The following MPI variants were observed in gnomAD, a reference collection of about 807,000 sequenced individuals.
MPI encodes mannose-6-phosphate isomerase.
In MPI, 33 loss-of-function variants were observed where a neutral mutation model predicts 40.1. The observed-to-expected ratio is 0.82, with a 90% CI of 0.62 to 1.10. The LOEUF (loss-of-function observed/expected upper bound fraction) is 1.10. Among genes scored for constraint, MPI ranks in the 50% least tolerant of loss-of-function variants. MPI has a pLI of 0.00. For synonymous variants in MPI, 187 were observed against 207.4 expected (o/e 0.90, Z 0.85); for missense variants, 514 against 524.1 (o/e 0.98, Z 0.19).
chr15:74,892,393 G>A (rs1246615620), intron 3 of MPI, among the ~76,000 whole-genome samples: 4 of 152,232 alleles, frequency 2.6e-5, no homozygotes, highest in African/African-American at 9.6e-5. Context: ...TGGTATTTGG[G>A]TTTCCTGATT....
In MPI at chr15:74,897,156, G is replaced by A. The variant is rs1451761507; in HGVS notation, c.990G>A (p.Gln330=). The A allele has an allele frequency of 6.2e-7, 1 of 1,614,154 alleles. No homozygotes were observed. The highest frequency in any genetic ancestry group is 8.5e-7 in the Non-Finnish European group (1 of 1,180,018). The change falls in exon 7 of 8, where the codon CAG becomes CAA. Residue 330 remains glutamine (Q), a synonymous_variant. Transcript: ENST00000352410. ...KDRLFLPTRS[Q]EDPYLSIYDP... ...GGCTCTTTCTCCCAACACGGAGTCA[G>A]GAAGACCCCTACCTCTCAATCTATG... is the stretch of plus-strand genomic sequence containing the variant.
In MPI at chr15:74,893,182, C is replaced by A. The variant is rs1204655433; in HGVS notation, c.532C>A (p.His178Asn). Reference protein sequence around the residue: ...QFLIGDEAATHLKQTMSHDSQ... With the variant: ...QFLIGDEAATNLKQTMSHDSQ... ...CCTGATTGGAGATGAGGCAGCAACA[C>A]ACCTGAAGCAGACCATGAGCCATGA... is the stretch of plus-strand genomic sequence containing the variant. The change falls in exon 5 of 8, where the codon CAC (histidine) becomes AAC (asparagine). Residue 178 changes from histidine to asparagine, a missense_variant. His to Asn is a moderately conservative substitution (Grantham distance 68). Coordinates refer to ENST00000352410, the MANE Select transcript of MPI (RefSeq NM_002435.3). 6.2e-7 allele frequency: 1 copy of A among 1,614,094 alleles called. No homozygotes were observed. Among genetic ancestry groups the A allele is most frequent in the African/African-American group, 1.3e-5 (1 of 74,938 alleles).
At chr15:74,893,629 C>T in intron 5 of MPI, 1 of 596,152 alleles carries the variant, frequency 1.7e-6, no homozygotes, top group Non-Finnish European at 3.0e-6. Flanking sequence ...AGCTGCCCTC[C>T]ATGGATGGAC....
chr15:74,894,069 T>TTTTCTGAGCCA (rs1567267118), intron 5 of MPI, among the ~76,000 whole-genome samples: 1 of 64,722 alleles, frequency 1.5e-5, no homozygotes, highest in African/African-American at 4.7e-5. Flanking sequence ...TGTGTGTGTG[T>TTTTCTGAGCCA]GTGTGTGTGT....
chr15:74,897,019 G>T lies in MPI; in HGVS notation c.853G>T (p.Glu285Ter). 6.2e-7 allele frequency: 1 copy of T among 1,614,168 alleles called. No homozygotes were observed. Among genetic ancestry groups the T allele is most frequent in the Non-Finnish European group, 8.5e-7 (1 of 1,180,004 alleles). Residue 285 changes from glutamate (E) to a stop codon, truncating the protein, a stop_gained, in exon 7 of 8, where the codon GAG becomes TAG. Transcript: ENST00000352410. LOFTEE classifies it high-confidence loss of function. Reference protein sequence around the residue: ...PHAYLKGDCVECMACSDNTVR... With the variant: ...PHAYLKGDCV ...GACGACTGTCTCTCCAGACTGCGTG[G>T]AGTGCATGGCGTGTTCAGACAACAC...
At position 74,901,807 on chromosome 15, in the gene MPI, C is replaced by G. The variant is rs1191240232; in HGVS notation, c.*4077C>G. The G allele has an allele frequency of 3.4e-6, 1 of 295,654 alleles. No individual in the cohort carries two copies. The highest frequency in any genetic ancestry group is 6.2e-6 in the Non-Finnish European group (1 of 162,318). The allele number at this position is 295,654 out of a possible 1,614,324, so 18.3% of individuals were successfully genotyped here. On this transcript the variant is annotated 3_prime_UTR_variant, in exon 8 of 8. Transcript: ENST00000352410. ...AAACTGCAGGCTTCTGGGGCCAGCC[C>G]CAGTACCTTCGACCTAATCTTTAGC... is the stretch of plus-strand genomic sequence containing the variant.
rs556803283 is a variant in MPI, at chr15:74,892,238, C to T, written c.346-423C>T. ...TGAACTCCTGCCCTCGTAATCCGCTCGCCTCAGCCTCCCAAAGTGCTGGGA... is the reference window on the plus strand; with the variant it reads ...TGAACTCCTGCCCTCGTAATCCGCTTGCCTCAGCCTCCCAAAGTGCTGGGA... On this transcript the variant is annotated intron_variant, in intron 3 of 7. Transcript: ENST00000352410. Among the ~76,000 whole-genome samples the T allele has an allele frequency of 3.9e-5, 6 of 152,268 alleles. No homozygotes were observed. The South Asian group carries it at 1.0e-3, about 26-fold the overall frequency.
Position 74,898,425 on chromosome 15 carries a change from G to C in MPI, c.*695G>C, listed in dbSNP as rs1414402420. The C allele has an allele frequency of 6.0e-6, 1 of 167,350 alleles. No homozygotes were observed. Among genetic ancestry groups the C allele is most frequent in the East Asian group, 1.5e-4 (1 of 6,476 alleles). 10.4% of individuals were successfully genotyped at this position (167,350 alleles called of 1,614,324 possible). On this transcript the variant is annotated 3_prime_UTR_variant, in exon 8 of 8. Transcript: ENST00000352410. ...AGCCAGCTTTGGCCTCACAGGCACAGCTTGCAAGCAGGCCTTGGGTCTGCC... is the reference window on the plus strand; with the variant it reads ...AGCCAGCTTTGGCCTCACAGGCACACCTTGCAAGCAGGCCTTGGGTCTGCC...
chr15:74,895,854 A>G, intron 5 of MPI: 1 of 431,754 alleles, frequency 2.3e-6, no homozygotes, highest in Non-Finnish European at 4.3e-6. Flanking sequence ...AAATGTCAGT[A>G]GCGCCAAGGC....
intron 1 of MPI, chr15:74,890,305 TCCC>T: frequency 2.4e-6 from 2 of 850,076 alleles, no homozygotes; most frequent in Non-Finnish European, 3.8e-6. Flanking sequence ...TTCTGCTCCC[TCCC>T]CGCCACCCTG....
chr15:74,891,960 C>T (rs750905398), intron 3 of MPI, among the ~76,000 whole-genome samples: 50 of 152,072 alleles, frequency 3.3e-4, no homozygotes, highest in Non-Finnish European at 6.0e-4. Flanking sequence ...CTACACAAGC[C>T]GGAGTCCCAT....
intron 5 of MPI, 71 bp from the exon 6 acceptor site, chr15:74,896,081 T>G: frequency 6.3e-7 from 1 of 1,582,812 alleles, no homozygotes; most frequent in South Asian, 1.1e-5. Context: ...TAGGACTCCC[T>G]GGCCAATGTG....
At chr15:74,891,657 C>T (rs527560491) in intron 3 of MPI, 78 bp downstream of exon 3, 1 of 1,494,612 alleles carries the variant, frequency 6.7e-7, no homozygotes, top group Non-Finnish European at 9.3e-7. Flanking sequence ...TTTACTGCCA[C>T]TTTTACCCCA....
Position 74,897,873 on chromosome 15 carries a change from C to T in MPI, c.*143C>T, listed in dbSNP as rs1273892135. The T allele has an allele frequency of 1.1e-5, 9 of 825,374 alleles. No homozygotes were observed. Among genetic ancestry groups the T allele is most frequent in the African/African-American group, 1.7e-5 (1 of 59,386 alleles). The allele number at this position is 825,374 out of a possible 1,614,324, so 51.1% of individuals were successfully genotyped here. ...AGAGCTGGGGTGGGGGAGGAGGGAG[C>T]GTGAAGGTAGTGACTCCTGAACACA... is the stretch of plus-strand genomic sequence containing the variant. On this transcript the variant is annotated 3_prime_UTR_variant, in exon 8 of 8. Transcript: ENST00000352410.
At chr15:74,890,710 T>A in intron 2 of MPI, 56 bp downstream of exon 2, 1 of 1,606,554 alleles carries the variant, frequency 6.2e-7, no homozygotes, top group Non-Finnish European at 8.5e-7. Context: ...AGAAAGGGCC[T>A]GAGGCAAGTC....
chr15:74,890,754 G>T, intron 2 of MPI, 100 bp downstream of exon 2: 1 of 1,555,672 alleles, frequency 6.4e-7, no homozygotes, highest in Non-Finnish European at 8.8e-7. Context: ...AGGCAGCAAG[G>T]AGGGAGGAGA....
In MPI at chr15:74,897,639, G is replaced by T. The variant is rs1381312233; in HGVS notation, c.1181G>T (p.Gly394Val). ...ACACCAATCCCTCTGCAACGTGGTGGCGTGCTCTTCATTGGGGCCAATGAG... is the reference window on the plus strand; with the variant it reads ...ACACCAATCCCTCTGCAACGTGGTGTCGTGCTCTTCATTGGGGCCAATGAG... The part of the protein sequence containing the change: ...TQTPIPLQRG[G>V]VLFIGANESV... Residue 394 changes from glycine (G) to valine (V), a missense_variant, in exon 8 of 8, where the codon GGC becomes GTC. Transcript: ENST00000352410. 1 of 1,614,192 alleles carries T rather than the reference G, an allele frequency of 6.2e-7. No individual in the cohort carries two copies. The highest frequency in any genetic ancestry group is 1.7e-5 in the Admixed American group (1 of 60,012).
intron 1 of MPI, 146 bp downstream of exon 1, chr15:74,890,235 T>A: frequency 8.3e-7 from 1 of 1,205,996 alleles, no homozygotes; most frequent in Non-Finnish European, 1.2e-6. Context: ...CCACCTGCGA[T>A]GGGGATTGAC....
In MPI at chr15:74,896,524, GA is replaced by G; in HGVS notation, c.844+200del. On this transcript the variant is annotated intron_variant, in intron 6 of 7. Coordinates refer to ENST00000352410, the MANE Select transcript of MPI (RefSeq NM_002435.3). ...TAGCATTGAACACGCCTTGAATCCT[GA>G]CACCAACCCTGTGATGCCATGCTAC... is the stretch of plus-strand genomic sequence containing the variant. 7 of 709,020 alleles carry G rather than the reference GA, an allele frequency of 9.9e-6. No homozygotes were observed. In the South Asian group the frequency reaches 1.0e-4, roughly 11 times the overall value. 43.9% of individuals were successfully genotyped at this position (709,020 alleles called of 1,614,324 possible). A position where few individuals can be genotyped will look rare whatever the true frequency, so the allele number is the denominator to read the frequency against.
Sources: gnomAD v4.1 joint callset for allele counts (sites outside exome capture counted in the v4.1 genomes callset) on GRCh38, gnomAD v4.1.1 for gene constraint, MANE v1.5 for transcripts, NCBI Gene and HGNC (gene_info 2026-07-23, HGNC 2026-07-21) for gene names.